The following PODXL2 variants were observed in gnomAD, a reference collection of about 807,000 sequenced individuals.
PODXL2 encodes the protein podocalyxin like 2, also known as podocalyxin-like protein 2.
A neutral mutation model predicts 53.4 loss-of-function variants in PODXL2; 17 were observed. The ratio of observed to expected loss-of-function variants is 0.32; its 90% confidence interval spans 0.22 to 0.48. PODXL2 has a LOEUF of 0.48. PODXL2 is among the 20% of genes least tolerant of loss of function. The probability of loss-of-function intolerance (pLI) is 0.99; values close to 1 mark genes in which losing one functional copy is unlikely to be tolerated. For synonymous variants in PODXL2, 311 were observed against 306.7 expected (o/e 1.01, Z -0.15); for missense variants, 673 against 760.0 (o/e 0.89, Z 1.35).
At chr3:127,670,739 C>G (rs745833895) in intron 6 of PODXL2, among the ~76,000 whole-genome samples, 1 of 152,198 alleles carries the variant, frequency 6.6e-6, no homozygotes, top group Non-Finnish European at 1.5e-5. Flanking sequence ...GTGGTGCTCG[C>G]CCTCCTGCTT....
intron 2 of PODXL2, among the ~76,000 whole-genome samples, chr3:127,658,146 A>C (rs939226715): frequency 6.6e-6 from 1 of 152,208 alleles, no homozygotes; most frequent in Non-Finnish European, 1.5e-5. Flanking sequence ...AAAAAGTCTA[A>C]TTAACAGAAG....
intron 7 of PODXL2, 87 bp downstream of exon 7, chr3:127,671,700 A>C: frequency 3.8e-6 from 5 of 1,311,074 alleles, no homozygotes; most frequent in Non-Finnish European, 5.4e-6. Context: ...GGAGGCAGTG[A>C]CTCTCCTGGG....
intron 2 of PODXL2, among the ~76,000 whole-genome samples, chr3:127,658,462 T>A (rs1422290104): frequency 6.8e-6 from 1 of 147,784 alleles, no homozygotes; most frequent in East Asian, 2.0e-4. Flanking sequence ...TCTCTTGGAA[T>A]CTGTGGATAG....
In PODXL2 at chr3:127,662,685, CAT is replaced by C. The variant is rs557150813; in HGVS notation, c.1206+375_1206+376del. On this transcript the variant is annotated intron_variant, in intron 4 of 7. Coordinates refer to ENST00000342480, the MANE Select transcript of PODXL2 (RefSeq NM_015720.4). ...TTCATATATATACATGCTCTCCACA[CAT>C]GTCTGGTGGAGTTTGTTCATAGCTC... Among the ~76,000 whole-genome samples the C allele has an allele frequency of 5.2e-3, 792 of 152,276 alleles. 6 individuals carry two copies. Among genetic ancestry groups the C allele is most frequent in the African/African-American group, 0.017 (720 of 41,550 alleles).
At chr3:127,635,759 G>A (rs931279923) in intron 1 of PODXL2, among the ~76,000 whole-genome samples, 2 of 152,234 alleles carry the variant, frequency 1.3e-5, no homozygotes, top group African/African-American at 4.8e-5. Context: ...GCTGGTTCAA[G>A]TTTGAAAGCA....
At chr3:127,651,639 C>T (rs895089924) in intron 2 of PODXL2, among the ~76,000 whole-genome samples, 2 of 152,238 alleles carry the variant, frequency 1.3e-5, no homozygotes, top group African/African-American at 2.4e-5. Flanking sequence ...GCTGAGGCCT[C>T]GTCAGGTAGC....
intron 2 of PODXL2, among the ~76,000 whole-genome samples, chr3:127,644,002 T>C (rs1007534765): frequency 1.3e-5 from 2 of 152,068 alleles, no homozygotes; most frequent in Non-Finnish European, 2.9e-5. Context: ...TATTTTTGTG[T>C]GTGGTGTAAG....
chr3:127,667,954 A>C (rs749251205), intron 4 of PODXL2, among the ~76,000 whole-genome samples: 3 of 152,154 alleles, frequency 2.0e-5, no homozygotes, highest in African/African-American at 4.8e-5. Flanking sequence ...TACATGGTGC[A>C]CACCTCTTTT....
chr3:127,643,889 T>G (rs1479950499), intron 2 of PODXL2, among the ~76,000 whole-genome samples: 1 of 152,176 alleles, frequency 6.6e-6, no homozygotes, highest in Non-Finnish European at 1.5e-5. Context: ...TCCACCTGCC[T>G]CAGCCTCCCA....
chr3:127,630,079 T>G (rs952474313), intron 1 of PODXL2, among the ~76,000 whole-genome samples: 2 of 152,008 alleles, frequency 1.3e-5, no homozygotes, highest in African/African-American at 4.8e-5. Flanking sequence ...GAGACGGGCC[T>G]CCTGATGGCT....
At chr3:127,668,862 T>C (rs529903044) in intron 5 of PODXL2, among the ~76,000 whole-genome samples, 1 of 152,258 alleles carries the variant, frequency 6.6e-6, no homozygotes, top group East Asian at 1.9e-4. Flanking sequence ...ATGGACACTG[T>C]ACCTGGTGTG....
rs1221127070 is a variant in PODXL2 at position 127,654,613 on chromosome 3, C to CCCTT, written c.350-5762_350-5761insTCCT. Among the ~76,000 whole-genome samples the CCCTT allele has an allele frequency of 2.0e-5, 3 of 152,202 alleles. No homozygotes were observed. The East Asian group carries it at 5.8e-4, about 29-fold the overall frequency. On this transcript the variant is annotated intron_variant, in intron 2 of 7. Transcript: ENST00000342480. ...TCAACAGATGAGTAATCCCCTCCTG[C>CCCTT]CCTGCCCTTTTTCCTAGATTTTCTT...
chr3:127,651,077 C>T (rs2074686067), intron 2 of PODXL2, among the ~76,000 whole-genome samples: 1 of 152,156 alleles, frequency 6.6e-6, no homozygotes, highest in Non-Finnish European at 1.5e-5. Context: ...CCAGCCTGAC[C>T]AACATGGTGA....
intron 2 of PODXL2, among the ~76,000 whole-genome samples, chr3:127,657,195 G>C (rs2074730778): frequency 6.6e-6 from 1 of 152,176 alleles, no homozygotes; most frequent in Non-Finnish European, 1.5e-5. Context: ...AGTTCTGTTG[G>C]TGCCCTCTGG....
At chr3:127,648,387 G>A (rs1464165890) in intron 2 of PODXL2, among the ~76,000 whole-genome samples, 2 of 152,162 alleles carry the variant, frequency 1.3e-5, no homozygotes, top group African/African-American at 4.8e-5. Context: ...CCACACATCA[G>A]GTGTATCCAT....
rs201092495 is a variant in PODXL2, at chr3:127,662,231, G to A, written c.1132-6G>A. 1.2e-5 allele frequency: 19 copies of A among 1,612,780 alleles called. No homozygotes were observed. The highest frequency in any genetic ancestry group is 6.7e-5 in the African/African-American group (5 of 74,978). On this transcript the variant is annotated splice_region_variant and splice_polypyrimidine_tract_variant and intron_variant, in intron 3 of 7. Transcript: ENST00000342480. ...CTGTCGCCCTTCTTTCTGTCTCCTC[G>A]CACAGGTGATCTGCAAGGACTGGAG...
intron 1 of PODXL2, among the ~76,000 whole-genome samples, chr3:127,632,034 G>T (rs1209304474): frequency 1.3e-5 from 2 of 152,230 alleles, no homozygotes; most frequent in African/African-American, 4.8e-5. Context: ...AGGTGGGAGA[G>T]CTCAGAGAGG....
At chr3:127,666,709 C>T (rs980825323) in intron 4 of PODXL2, among the ~76,000 whole-genome samples, 6 of 152,238 alleles carry the variant, frequency 3.9e-5, no homozygotes, top group Non-Finnish European at 8.8e-5. Flanking sequence ...CTGGCCAGAA[C>T]CCAGATTTAT....
chr3:127,642,652 A>G (rs1243820570), intron 2 of PODXL2, among the ~76,000 whole-genome samples: 2 of 152,162 alleles, frequency 1.3e-5, no homozygotes, highest in Non-Finnish European at 2.9e-5. Flanking sequence ...AAAAATTATA[A>G]TGGCCTTTGA....
Sources: gnomAD v4.1 joint callset for allele counts (sites outside exome capture counted in the v4.1 genomes callset) on GRCh38, gnomAD v4.1.1 for gene constraint, MANE v1.5 for transcripts, NCBI Gene and HGNC (gene_info 2026-07-23, HGNC 2026-07-21) for gene names.